PLPP4: variants seen among roughly 807,000 people sequenced by gnomAD.
PLPP4 encodes phospholipid phosphatase 4, also known as diacylglycerol pyrophosphate like 2.
Under a neutral mutation model 32.2 loss-of-function variants are expected in PLPP4, and 20 were observed. That is an observed-to-expected ratio of 0.62 (90% CI 0.44 to 0.90). PLPP4 has a LOEUF of 0.90. Among genes scored for constraint, PLPP4 ranks in the 40% least tolerant of loss-of-function variants. The pLI is 0.00. For missense variants in PLPP4, 257 were observed against 353.1 expected, an observed-to-expected ratio of 0.73 and a Z score of 2.18; for synonymous variants, 127 against 133.0, an observed-to-expected ratio of 0.95 and a Z score of 0.31.
At chr10:120,459,111 A>C (rs1231494024) in intron 1 of PLPP4, among the ~76,000 whole-genome samples, 1 of 152,214 alleles carries the variant, frequency 6.6e-6, no homozygotes, top group African/African-American at 2.4e-5. Flanking sequence ...CTATGCAGTA[A>C]ATTTGAAAAC....
At chr10:120,523,636 G>A (rs1846264847) in intron 5 of PLPP4, among the ~76,000 whole-genome samples, 1 of 151,996 alleles carries the variant, frequency 6.6e-6, no homozygotes, top group African/African-American at 2.4e-5. Flanking sequence ...TTCTCCCTTT[G>A]TTCTCTTCTC....
chr10:120,490,930 TTC>T (rs1367576537), intron 1 of PLPP4, among the ~76,000 whole-genome samples: 1 of 152,190 alleles, frequency 6.6e-6, no homozygotes, highest in Admixed American at 6.5e-5. Context: ...TCAAACTAAG[TTC>T]TGTTTTTCAC....
intron 5 of PLPP4, among the ~76,000 whole-genome samples, chr10:120,527,060 A>C (rs747506952): frequency 3.9e-5 from 6 of 152,226 alleles, no homozygotes; most frequent in Admixed American, 3.9e-4. Flanking sequence ...CTGGAGAAAC[A>C]AAACCAGTAG....
Position 120,591,590 on chromosome 10 carries a change from G to C in PLPP4, c.*2088G>C, listed in dbSNP as rs955399942. ...CAAAAATAAAGCCCAAAATAGAAATGTAGGAAAAAGATCCTTTGCTACTGT... is the reference window on the plus strand; with the variant it reads ...CAAAAATAAAGCCCAAAATAGAAATCTAGGAAAAAGATCCTTTGCTACTGT... On this transcript the variant is annotated 3_prime_UTR_variant, in exon 7 of 7. Coordinates refer to ENST00000398250, the MANE Select transcript of PLPP4 (RefSeq NM_001030059.3). Among the ~76,000 whole-genome samples the C allele has an allele frequency of 1.3e-5, 2 of 149,784 alleles. No homozygotes were observed. Among genetic ancestry groups the C allele is most frequent in the African/African-American group, 4.9e-5 (2 of 40,646 alleles).
At chr10:120,508,839 C>T (rs1296102479) in intron 2 of PLPP4, among the ~76,000 whole-genome samples, 1 of 152,218 alleles carries the variant, frequency 6.6e-6, no homozygotes, top group Non-Finnish European at 1.5e-5. Flanking sequence ...ATTGAAAATG[C>T]ATCAATCCTA....
rs2133833231 is a variant in PLPP4 at position 120,488,905 on chromosome 10, C to T, written c.57-14913C>T. Among the ~76,000 whole-genome samples, 2 of 152,338 alleles carry T rather than the reference C, an allele frequency of 1.3e-5. 1 individual carries two copies. The highest frequency in any genetic ancestry group is 4.1e-4 in the South Asian group (2 of 4,828). On this transcript the variant is annotated intron_variant, in intron 1 of 6. Transcript: ENST00000398250. ...GGCAGGGCAAGAAACCTCTTTGAGA[C>T]TCAGCTTCCCTCTCTGGAAATTGGA...
upstream of PLPP4, chr10:120,456,990 G>C (rs956462235): frequency 2.5e-5 from 4 of 157,112 alleles, no homozygotes; most frequent in East Asian, 3.7e-4. The surrounding 1 kb of genome is among the most constrained non-coding windows in gnomAD (Gnocchi z 4.1). Context: ...TGCCCGGCGC[G>C]GGCCCAGGAG....
intron 1 of PLPP4, among the ~76,000 whole-genome samples, chr10:120,474,451 A>G (rs1199611350): frequency 6.6e-6 from 1 of 152,204 alleles, no homozygotes; most frequent in Non-Finnish European, 1.5e-5. Flanking sequence ...ATTAATGTAC[A>G]TAATACTGAT....
intron 5 of PLPP4, among the ~76,000 whole-genome samples, chr10:120,552,797 A>C (rs11199397): frequency 0.053 from 8,019 of 152,282 alleles, 309 homozygotes; most frequent in South Asian, 0.2. Flanking sequence ...TGTATCAGTG[A>C]TTAGAGACAG....
chr10:120,581,341 A>G (rs1849500412), intron 6 of PLPP4: 1 of 979,410 alleles, frequency 1.0e-6, no homozygotes, highest in South Asian at 4.7e-5. Flanking sequence ...TGGTCTAGTG[A>G]TCCTCAGTTG....
At position 120,589,620 on chromosome 10, in the gene PLPP4, G is replaced by A. The variant is rs745655001; in HGVS notation, c.*118G>A. ...TCATCAGTTGTTTCTCAAAGTCATC[G>A]TACTTCTGCTTCTGTTTCACTGATG... is the stretch of plus-strand genomic sequence containing the variant. On this transcript the variant is annotated 3_prime_UTR_variant, in exon 7 of 7. Transcript: ENST00000398250. The A allele has an allele frequency of 1.2e-4, 93 of 762,880 alleles. No individual in the cohort carries two copies. The highest frequency in any genetic ancestry group is 1.4e-4 in the Non-Finnish European group (69 of 483,618). 47.3% of individuals were successfully genotyped at this position (762,880 alleles called of 1,614,324 possible).
intron 1 of PLPP4, among the ~76,000 whole-genome samples, chr10:120,477,143 A>G (rs1007690442): frequency 6.6e-5 from 10 of 151,350 alleles, no homozygotes; most frequent in African/African-American, 2.2e-4. Flanking sequence ...ACGAAGCTTG[A>G]TTAATTATCT....
rs1333657569 is a variant in PLPP4 at position 120,518,847 on chromosome 10, C to T, written c.271C>T (p.Leu91Phe). 1.9e-6 allele frequency: 3 copies of T among 1,612,826 alleles called. No homozygotes were observed. Among genetic ancestry groups the T allele is most frequent in the Non-Finnish European group, 2.5e-6 (3 of 1,179,342 alleles). The stretch of plus-strand genomic sequence containing the variant: ...TTGTTTTGTAGCGGTGTCCTTGGCT[C>T]TTGCTTTGAATGGAGTCTGCACAAA... ...KEAFLAVSLA[L>F]ALNGVCTNTI... The change falls in exon 4 of 7, where the codon CTT becomes TTT. Residue 91 changes from leucine to phenylalanine, a missense_variant. Physicochemically the swap from Leu to Phe is conservative, Grantham distance 22. Coordinates refer to ENST00000398250, the MANE Select transcript of PLPP4 (RefSeq NM_001030059.3).
In PLPP4 at chr10:120,523,648, T is replaced by A. The variant is rs555915201; in HGVS notation, c.445+2553T>A. ...TTTTTCTCCCTTTGTTCTCTTCTCC[T>A]TTTCTTCTCTTCCTTCTTTCATTCC... is the stretch of plus-strand genomic sequence containing the variant. On this transcript the variant is annotated intron_variant, in intron 5 of 6. Transcript: ENST00000398250. Among the ~76,000 whole-genome samples the A allele has an allele frequency of 2.6e-4, 39 of 152,292 alleles. No individual in the cohort carries two copies. The South Asian group carries it at 6.0e-3, about 23-fold the overall frequency.
At chr10:120,507,008 G>A (rs1406942858) in intron 2 of PLPP4, among the ~76,000 whole-genome samples, 1 of 152,190 alleles carries the variant, frequency 6.6e-6, no homozygotes, top group Non-Finnish European at 1.5e-5. Context: ...TTCAAAAGAG[G>A]TACCGGTTTC....
At position 120,529,511 on chromosome 10, in the gene PLPP4, C is replaced by A. The variant is rs544615666; in HGVS notation, c.445+8416C>A. Among the ~76,000 whole-genome samples the A allele has an allele frequency of 2.0e-5, 3 of 150,738 alleles. No individual in the cohort carries two copies. The South Asian group carries it at 6.3e-4, about 32-fold the overall frequency. On this transcript the variant is annotated intron_variant, in intron 5 of 6. Coordinates refer to ENST00000398250, the MANE Select transcript of PLPP4 (RefSeq NM_001030059.3). ...AAAGAAATAGCTCACTATTTGATTT[C>A]TATGAAAAAAAGATCAGAGTCAGAT...
intron 1 of PLPP4, among the ~76,000 whole-genome samples, chr10:120,495,517 G>A (rs1318427702): frequency 6.6e-6 from 1 of 152,116 alleles, no homozygotes; most frequent in South Asian, 2.1e-4. Context: ...TTTCCCCATT[G>A]CCCGAGAGAG....
At chr10:120,574,121 C>G (rs551048859) in intron 5 of PLPP4, among the ~76,000 whole-genome samples, 50 of 135,508 alleles carry the variant, frequency 3.7e-4, no homozygotes, top group African/African-American at 1.3e-3. Context: ...TTAGAATCAT[C>G]TGGGGAGTAC....
chr10:120,531,403 A>G (rs192356136), intron 5 of PLPP4, among the ~76,000 whole-genome samples: 33 of 152,146 alleles, frequency 2.2e-4, no homozygotes, highest in African/African-American at 7.2e-4. Flanking sequence ...CGTGCCTGGC[A>G]GCCTTTTATT....
Sources: gnomAD v4.1 joint callset for allele counts (sites outside exome capture counted in the v4.1 genomes callset) on GRCh38, gnomAD v4.1.1 for gene constraint, Gnocchi (gnomAD v3.1) non-coding constraint, MANE v1.5 for transcripts, NCBI Gene and HGNC (gene_info 2026-07-23, HGNC 2026-07-21) for gene names.